Variants in PTPRD observed in about 807,000 individuals in gnomAD.
PTPRD encodes receptor-type tyrosine-protein phosphatase delta.
In PTPRD, 34 loss-of-function variants were observed where a neutral mutation model predicts 214.5. That is an observed-to-expected ratio of 0.16 (90% CI 0.12 to 0.21). The LOEUF is 0.21. Among genes scored for constraint, PTPRD ranks in the 10% least tolerant of loss-of-function variants. The pLI is 1.00. For synonymous variants in PTPRD, 1,128 were observed against 845.7 expected (o/e 1.33, Z -5.79); for missense variants, 2,545 against 2,398.7 (o/e 1.06, Z -1.27).
chr9:8,446,971 A>C (rs1260866834), intron 34 of PTPRD, among the ~76,000 whole-genome samples: 1 of 152,236 alleles, frequency 6.6e-6, no homozygotes, highest in African/African-American at 2.4e-5. Flanking sequence ...GCAAATGGTC[A>C]CATCTCTATG....
chr9:9,315,594 T>G (rs1482284269), intron 9 of PTPRD, among the ~76,000 whole-genome samples: 2 of 151,958 alleles, frequency 1.3e-5, no homozygotes, highest in Non-Finnish European at 2.9e-5. Context: ...ACTGAATTTT[T>G]GATTCCCTAA....
At chr9:9,121,404 G>C (rs1219006832) in intron 10 of PTPRD, among the ~76,000 whole-genome samples, 1 of 151,998 alleles carries the variant, frequency 6.6e-6, no homozygotes, top group Non-Finnish European at 1.5e-5. Flanking sequence ...GTCACAATAG[G>C]AAAATTGTGG....
intron 34 of PTPRD, among the ~76,000 whole-genome samples, chr9:8,439,692 A>G (rs2095477368): frequency 6.6e-6 from 1 of 152,202 alleles, no homozygotes; most frequent in Non-Finnish European, 1.5e-5. Context: ...GATCTACTTC[A>G]AAATATTGTT....
intron 3 of PTPRD, among the ~76,000 whole-genome samples, chr9:10,305,863 G>T (rs2154411345): frequency 6.6e-6 from 1 of 152,236 alleles, no homozygotes; most frequent in South Asian, 2.1e-4. Flanking sequence ...AGAGAGTGTG[G>T]CGATTCCTCA....
At chr9:9,556,842 A>G (rs1224792533) in intron 8 of PTPRD, among the ~76,000 whole-genome samples, 3 of 152,168 alleles carry the variant, frequency 2.0e-5, no homozygotes, top group Non-Finnish European at 4.4e-5. Context: ...AGTGCCTTGC[A>G]GGGTCCTTTC....
At position 8,501,070 on chromosome 9, in the gene PTPRD, T is replaced by C; in HGVS notation, c.1823-11A>G. 6.2e-7 allele frequency: 1 copy of C among 1,606,952 alleles called. No individual in the cohort carries two copies. Among genetic ancestry groups the C allele is most frequent in the Non-Finnish European group, 8.5e-7 (1 of 1,175,328 alleles). ...GAGGAGCTGACGGCTCTTATTTTGG[T>C]AGTGAGTTAAAGGAGGATTTAAGTG... On this transcript the variant is annotated splice_polypyrimidine_tract_variant and intron_variant, in intron 23 of 45. Transcript: ENST00000381196.
intron 11 of PTPRD, among the ~76,000 whole-genome samples, chr9:8,934,421 G>A (rs77052862): frequency 0.17 from 4,451 of 26,552 alleles, 395 homozygotes; most frequent in Non-Finnish European, 0.2. Context: ...GTGTGTGTGT[G>A]TATATATATA....
At chr9:8,521,228 C>T (rs764833708) in intron 20 of PTPRD, 49 bp downstream of exon 20, 1 of 1,555,752 alleles carries the variant, frequency 6.4e-7, no homozygotes. Flanking sequence ...GCATTAGTCA[C>T]TTGGCTTGAG....
intron 10 of PTPRD, among the ~76,000 whole-genome samples, chr9:9,099,108 C>G (rs933830492): frequency 2.0e-5 from 3 of 152,088 alleles, no homozygotes; most frequent in African/African-American, 7.2e-5. Flanking sequence ...TAAAATTGTG[C>G]ATATGTTTAC....
chr9:10,180,964 T>C (rs1465015486), intron 3 of PTPRD, among the ~76,000 whole-genome samples: 1 of 152,038 alleles, frequency 6.6e-6, no homozygotes, highest in African/African-American at 2.4e-5. Context: ...TCATATTCAA[T>C]GAATAAACTT....
rs190812935 is a variant in PTPRD at position 8,315,592 on chromosome 9, T to A, written c.*2282A>T. 77 of 230,632 alleles carry A rather than the reference T, an allele frequency of 3.3e-4. No individual in the cohort carries two copies. The East Asian group carries it at 4.6e-3, about 14-fold the overall frequency. The allele number at this position is 230,632 out of a possible 1,614,324, so 14.3% of individuals were successfully genotyped here. A position where few individuals can be genotyped will look rare whatever the true frequency, so the allele number is the denominator to read the frequency against. On this transcript the variant is annotated 3_prime_UTR_variant, in exon 46 of 46. Coordinates refer to ENST00000381196, the MANE Select transcript of PTPRD (RefSeq NM_002839.4). Reference sequence around the variant, plus strand: ...TCTGGTTCTGATGTAGGTTAGAGAGTCTCATTCTGAGGTAGCCTTCTAGAT... The same window carrying A: ...TCTGGTTCTGATGTAGGTTAGAGAGACTCATTCTGAGGTAGCCTTCTAGAT...
intron 2 of PTPRD, among the ~76,000 whole-genome samples, chr9:10,547,131 C>T (rs1183942007): frequency 6.6e-6 from 1 of 151,998 alleles, no homozygotes; most frequent in Non-Finnish European, 1.5e-5. Flanking sequence ...TATAACATAC[C>T]TCAATATCAA....
intron 10 of PTPRD, among the ~76,000 whole-genome samples, chr9:9,112,760 G>T (rs954264666): frequency 9.2e-5 from 14 of 152,054 alleles, no homozygotes; most frequent in African/African-American, 3.4e-4. Context: ...GAAATTATGG[G>T]AAATCAGGGT....
At chr9:9,414,440 A>G (rs1025655930) in intron 8 of PTPRD, among the ~76,000 whole-genome samples, 1 of 152,208 alleles carries the variant, frequency 6.6e-6, no homozygotes, top group Admixed American at 6.5e-5. Flanking sequence ...ATTATTGGCT[A>G]CAGAATATCA....
chr9:9,200,786 T>C (rs1289144052), intron 9 of PTPRD, among the ~76,000 whole-genome samples: 1 of 152,214 alleles, frequency 6.6e-6, no homozygotes, highest in Non-Finnish European at 1.5e-5. Context: ...GGGGAGTTCC[T>C]TTATCTTTCT....
chr9:10,495,633 T>C (rs7036153), intron 2 of PTPRD, among the ~76,000 whole-genome samples: 103,632 of 151,656 alleles, frequency 0.68, 37,304 homozygotes, highest in Middle Eastern at 0.84. Context: ...AAAATTTCAG[T>C]AAGGATAAAA....
intron 2 of PTPRD, among the ~76,000 whole-genome samples, chr9:10,358,332 C>G (rs545063541): frequency 6.6e-6 from 1 of 151,860 alleles, no homozygotes; most frequent in Admixed American, 6.6e-5. Context: ...CATGGTGAAC[C>G]TATTTGGGAA....
intron 11 of PTPRD, among the ~76,000 whole-genome samples, chr9:8,975,040 T>G (rs1798602125): frequency 6.9e-6 from 1 of 144,682 alleles, no homozygotes; most frequent in African/African-American, 2.6e-5. Flanking sequence ...GAGATTGCAG[T>G]GAGCCAAGTT....
intron 35 of PTPRD, among the ~76,000 whole-genome samples, chr9:8,436,207 G>T (rs1253387533): frequency 6.6e-6 from 1 of 150,500 alleles, no homozygotes; most frequent in Non-Finnish European, 1.5e-5. Context: ...CTGGCAAAAG[G>T]GGAGATGTTG....
Sources: gnomAD v4.1 joint callset for allele counts (sites outside exome capture counted in the v4.1 genomes callset) on GRCh38, gnomAD v4.1.1 for gene constraint, MANE v1.5 for transcripts, NCBI Gene and HGNC (gene_info 2026-07-23, HGNC 2026-07-21) for gene names.